ASAP3: variants seen among roughly 807,000 people sequenced by gnomAD.
The protein encoded by ASAP3 is ArfGAP with SH3 domain, ankyrin repeat and PH domain 3, also known as arf-GAP with SH3 domain, ANK repeat and PH domain-containing protein 3.
Under a neutral mutation model 118.2 loss-of-function variants are expected in ASAP3, and 85 were observed. That is an observed-to-expected ratio of 0.72 (90% CI 0.60 to 0.86). The LOEUF (loss-of-function observed/expected upper bound fraction) is 0.86. ASAP3 is among the 40% of genes least tolerant of loss of function. The probability of loss-of-function intolerance (pLI) is 0.00; values close to 1 mark genes in which losing one functional copy is unlikely to be tolerated. For synonymous variants in ASAP3, 432 were observed against 477.4 expected (o/e 0.90, Z 1.24); for missense variants, 1,026 against 1,175.0 (o/e 0.87, Z 1.85).
intron 1 of ASAP3, among the ~76,000 whole-genome samples, chr1:23,460,313 C>A (rs1641539739): frequency 6.6e-6 from 1 of 152,014 alleles, no homozygotes; most frequent in Admixed American, 6.6e-5. Flanking sequence ...TCAAGACCAG[C>A]CTGGCAAACA....
chr1:23,438,608 T>C lies in ASAP3; in HGVS notation c.1102+139A>G, dbSNP rs570433805. The C allele has an allele frequency of 3.0e-6, 2 of 672,228 alleles. No individual in the cohort carries two copies. The highest frequency in any genetic ancestry group is 1.8e-5 in the African/African-American group (1 of 55,760). 41.6% of individuals were successfully genotyped at this position (672,228 alleles called of 1,614,324 possible). A position where few individuals can be genotyped will look rare whatever the true frequency, so the allele number is the denominator to read the frequency against. ...TGGGTATCCTAGACCTAAGGATTCT[T>C]ATGTCTGCAGTAGCAGCAATTCGAC... On this transcript the variant is annotated intron_variant, in intron 12 of 24. Transcript: ENST00000336689. This position sits in a 1 kb window ranked among gnomAD's most constrained non-coding sequence, Gnocchi z 4.9.
chr1:23,468,092 C>T (rs1025654539), intron 1 of ASAP3, among the ~76,000 whole-genome samples: 1 of 152,090 alleles, frequency 6.6e-6, no homozygotes, highest in Non-Finnish European at 1.5e-5. Context: ...TTGTTCCCAT[C>T]TGGCTGATGA....
chr1:23,475,102 C>T (rs1228899972), intron 1 of ASAP3, among the ~76,000 whole-genome samples: 1 of 152,218 alleles, frequency 6.6e-6, no homozygotes, highest in Non-Finnish European at 1.5e-5. Flanking sequence ...TGGCAGAGTT[C>T]ACCTCCTGTG....
At chr1:23,481,508 G>A (rs1430716143) in intron 1 of ASAP3, among the ~76,000 whole-genome samples, 1 of 152,208 alleles carries the variant, frequency 6.6e-6, no homozygotes, top group South Asian at 2.1e-4. Context: ...CCAAAGTTCA[G>A]ACTCTAACTT....
At chr1:23,460,918 A>G (rs1415642046) in intron 1 of ASAP3, among the ~76,000 whole-genome samples, 2 of 152,236 alleles carry the variant, frequency 1.3e-5, no homozygotes, top group Non-Finnish European at 2.9e-5. Context: ...GAAAAGATGC[A>G]GAGGAAAGTT....
chr1:23,436,877 T>C lies in ASAP3; in HGVS notation c.1476+34A>G, dbSNP rs761662756. 1.1e-4 allele frequency: 174 copies of C among 1,599,154 alleles called. No individual in the cohort carries two copies. The highest frequency in any genetic ancestry group is 1.4e-4 in the Non-Finnish European group (162 of 1,173,900). On this transcript the variant is annotated intron_variant, in intron 15 of 24. Transcript: ENST00000336689. This position sits in a 1 kb window ranked among gnomAD's most constrained non-coding sequence, Gnocchi z 4.2. ...GATGAAACTACACCCCTAACTCCGC[T>C]TCTGGCCCCTTCCAGGCCCCGCCCC...
At position 23,438,863 on chromosome 1, in the gene ASAP3, T is replaced by C; in HGVS notation, c.1015-29A>G. 6.2e-7 allele frequency: 1 copy of C among 1,604,046 alleles called. No homozygotes were observed. The highest frequency in any genetic ancestry group is 1.1e-5 in the South Asian group (1 of 90,860). On this transcript the variant is annotated intron_variant, in intron 11 of 24. Transcript: ENST00000336689. This position sits in a 1 kb window ranked among gnomAD's most constrained non-coding sequence, Gnocchi z 4.9. ...TGGGAATTTAGGGGCGGAGGATGTA[T>C]GCATTACCTCTGGCCCTCCACATTC...
chr1:23,453,543 A>T (rs1197760759), intron 3 of ASAP3, among the ~76,000 whole-genome samples: 1 of 152,178 alleles, frequency 6.6e-6, no homozygotes, highest in African/African-American at 2.4e-5. Flanking sequence ...ATAGAGCCTA[A>T]GCCAGCTGCG....
At chr1:23,452,860 AAG>A (rs1641265522) in intron 3 of ASAP3, 89 bp from the exon 4 acceptor site, 2 of 1,304,700 alleles carry the variant, frequency 1.5e-6, no homozygotes, top group East Asian at 2.3e-5. Context: ...TCACTTGGCA[AAG>A]AGAGCAGCGG....
At chr1:23,472,033 C>A (rs76283885) in intron 1 of ASAP3, among the ~76,000 whole-genome samples, 3,224 of 152,188 alleles carry the variant, frequency 0.021, 44 homozygotes, top group Non-Finnish European at 0.032. Flanking sequence ...CATGAACTGT[C>A]CAGAATAGGT....
intron 5 of ASAP3, 122 bp downstream of exon 5, chr1:23,451,357 T>C (rs888355910): frequency 9.3e-7 from 1 of 1,080,670 alleles, no homozygotes; most frequent in African/African-American, 1.5e-5. Context: ...CTGCTGTAAA[T>C]GCCTCTACAG....
chr1:23,433,080 C>T lies in ASAP3; in HGVS notation c.2320G>A (p.Gly774Arg), dbSNP rs1365961458. 1.2e-6 allele frequency: 2 copies of T among 1,613,778 alleles called. No homozygotes were observed. Among genetic ancestry groups the T allele is most frequent in the Non-Finnish European group, 8.5e-7 (1 of 1,179,928 alleles). ...LVQGCARHAS[G>R]DRSEVSSLSS... ...TTATCTGGGCATCCAACTGTACCTC[C>T]ACTGGCATGTCTTGCACACCCTTGG... The change falls in exon 22 of 25, where the codon GGA (glycine) becomes AGA (arginine). Residue 774 changes from glycine to arginine, a missense_variant. Coordinates refer to ENST00000336689, the MANE Select transcript of ASAP3 (RefSeq NM_017707.4).
At chr1:23,463,700 C>G (rs1173958142) in intron 1 of ASAP3, among the ~76,000 whole-genome samples, 2 of 152,176 alleles carry the variant, frequency 1.3e-5, no homozygotes, top group Admixed American at 1.3e-4. Context: ...CTCCCAGGTT[C>G]AAATGATTCT....
At chr1:23,462,335 T>A (rs1193263402) in intron 1 of ASAP3, among the ~76,000 whole-genome samples, 2 of 151,872 alleles carry the variant, frequency 1.3e-5, no homozygotes, top group African/African-American at 4.8e-5. Flanking sequence ...CAAACTGTTT[T>A]TCGATGCCCT....
At chr1:23,441,759 TC>T in intron 7 of ASAP3, 29 bp from the exon 8 acceptor site, 3 of 1,612,182 alleles carry the variant, frequency 1.9e-6, no homozygotes, top group Non-Finnish European at 2.5e-6. Flanking sequence ...CAAACAAGGG[TC>T]CAGATAAAGA....
chr1:23,433,331 C>G, intron 21 of ASAP3, 59 bp from the exon 22 acceptor site: 2 of 1,609,672 alleles, frequency 1.2e-6, no homozygotes, highest in Non-Finnish European at 1.7e-6. Flanking sequence ...TAGCCCTGTC[C>G]CCCCGCCTCA....
intron 1 of ASAP3, among the ~76,000 whole-genome samples, chr1:23,467,559 A>G (rs1433977869): frequency 2.0e-5 from 3 of 152,188 alleles, no homozygotes; most frequent in Admixed American, 2.0e-4. Context: ...AATATTAGAG[A>G]TTATCTAACA....
At chr1:23,452,283 A>C (rs1375534513) in intron 4 of ASAP3, among the ~76,000 whole-genome samples, 1 of 152,232 alleles carries the variant, frequency 6.6e-6, no homozygotes, top group Non-Finnish European at 1.5e-5. Context: ...TCCACTCTGC[A>C]TCCAGCCAAG....
intron 1 of ASAP3, among the ~76,000 whole-genome samples, chr1:23,459,292 G>A (rs902321091): frequency 2.0e-5 from 3 of 151,688 alleles, no homozygotes; most frequent in African/African-American, 7.3e-5. Flanking sequence ...CTAAATGAAT[G>A]ATGGTTTGCA....
Sources: gnomAD v4.1 joint callset for allele counts (sites outside exome capture counted in the v4.1 genomes callset) on GRCh38, gnomAD v4.1.1 for gene constraint, Gnocchi (gnomAD v3.1) non-coding constraint, MANE v1.5 for transcripts, NCBI Gene and HGNC (gene_info 2026-07-23, HGNC 2026-07-21) for gene names.